The following OTOGL variants were observed in gnomAD, a reference collection of about 807,000 sequenced individuals.
The protein encoded by OTOGL is otogelin like.
A neutral mutation model predicts 318.5 loss-of-function variants in OTOGL; 285 were observed. The observed-to-expected ratio is 0.89, with a 90% CI of 0.81 to 0.99. OTOGL has a LOEUF of 0.99. OTOGL is among the 50% of genes least tolerant of loss of function. The probability of loss-of-function intolerance (pLI) is 0.00; values close to 1 mark genes in which losing one functional copy is unlikely to be tolerated. For synonymous variants in OTOGL, 987 were observed against 936.5 expected (o/e 1.05, Z -0.99); for missense variants, 2,899 against 2,845.6 (o/e 1.02, Z -0.43).
intron 1 of OTOGL, among the ~76,000 whole-genome samples, chr12:80,153,157 T>A (rs1872894670): frequency 6.6e-6 from 1 of 152,212 alleles, no homozygotes; most frequent in African/African-American, 2.4e-5. Context: ...TTATCAACAA[T>A]GGAAATTTAT....
intron 1 of OTOGL, among the ~76,000 whole-genome samples, chr12:80,146,652 C>T (rs1002568782): frequency 1.6e-4 from 24 of 151,900 alleles, no homozygotes; most frequent in Admixed American, 1.4e-3. Flanking sequence ...CCTCCTTGTA[C>T]CTCTGCTAGA....
intron 1 of OTOGL, among the ~76,000 whole-genome samples, chr12:80,122,769 G>C (rs1870562281): frequency 6.6e-6 from 1 of 152,128 alleles, no homozygotes. Flanking sequence ...CAGCAGGATA[G>C]TCATTTTTCA....
chr12:80,165,833 T>A (rs576907865), intron 1 of OTOGL, among the ~76,000 whole-genome samples: 1 of 152,334 alleles, frequency 6.6e-6, no homozygotes, highest in East Asian at 1.9e-4. Flanking sequence ...AGGTGCTTCA[T>A]CAATAGTTGT....
chr12:80,235,352 C>T (rs921614529), intron 9 of OTOGL, among the ~76,000 whole-genome samples: 1 of 150,988 alleles, frequency 6.6e-6, no homozygotes, highest in Non-Finnish European at 1.5e-5. Flanking sequence ...ATAATCCCAG[C>T]TACTTAGGAT....
chr12:80,317,322 G>A (rs955796744), intron 32 of OTOGL, among the ~76,000 whole-genome samples: 3 of 152,116 alleles, frequency 2.0e-5, no homozygotes, highest in Non-Finnish European at 2.9e-5. Context: ...AATGACTTTT[G>A]TCTCCCAGTT....
intron 26 of OTOGL, among the ~76,000 whole-genome samples, chr12:80,280,144 G>A (rs1011696348): frequency 6.6e-6 from 1 of 151,550 alleles, no homozygotes; most frequent in Admixed American, 6.6e-5. Context: ...TTCTAATGGG[G>A]TTGTTTTGTA....
At chr12:80,165,975 A>G (rs17006447) in intron 1 of OTOGL, among the ~76,000 whole-genome samples, 2,296 of 152,278 alleles carry the variant, frequency 0.015, 58 homozygotes, top group African/African-American at 0.053. Flanking sequence ...TGTAAAGCCA[A>G]TATGTGAATT....
At chr12:80,208,238 A>C (rs1270805285) in intron 1 of OTOGL, 1 of 516,840 alleles carries the variant, frequency 1.9e-6, no homozygotes, top group Middle Eastern at 3.2e-4. Context: ...AGCAAGAGTA[A>C]ATGATTATTG....
In OTOGL at chr12:80,147,593, T is replaced by C. The variant is rs1047152517; in HGVS notation, c.-20+47988T>C. Among the ~76,000 whole-genome samples, 5 of 151,978 alleles carry C rather than the reference T, an allele frequency of 3.3e-5. No homozygotes were observed. In the South Asian group the frequency reaches 6.2e-4, roughly 19 times the overall value. On this transcript the variant is annotated intron_variant, in intron 1 of 58. Coordinates refer to ENST00000547103, the MANE Select transcript of OTOGL (RefSeq NM_001378609.3). ...GGTCTGCTTGGTGCAGAGCTGAGTT[T>C]AATTCCTGGGTATTCTTGTTGACTT...
intron 18 of OTOGL, 100 bp downstream of exon 18, chr12:80,258,102 T>C: frequency 9.5e-7 from 1 of 1,050,280 alleles, no homozygotes; most frequent in Non-Finnish European, 1.3e-6. Context: ...TGCTTAGCTG[T>C]CATTATCCCA....
intron 1 of OTOGL, among the ~76,000 whole-genome samples, chr12:80,184,690 G>A (rs1875164675): frequency 6.6e-6 from 1 of 152,096 alleles, no homozygotes; most frequent in African/African-American, 2.4e-5. Flanking sequence ...TGAGTGTCCA[G>A]GAAGGCTGGA....
Position 80,336,796 on chromosome 12 carries a change from G to A in OTOGL, c.4744-1G>A, listed in dbSNP as rs183008745. On this transcript the variant is annotated splice_acceptor_variant, in intron 40 of 58. Transcript: ENST00000547103. LOFTEE classifies it high-confidence loss of function. ...AAAAGTATTTCTTTTTTTTTTTCCA[G>A]AATGGAAACTCCTTAAAAAAGCTAG... 2 of 1,510,286 alleles carry A rather than the reference G, an allele frequency of 1.3e-6. No individual in the cohort carries two copies. The highest frequency in any genetic ancestry group is 1.8e-6 in the Non-Finnish European group (2 of 1,119,594). The allele number at this position is 1,510,286 out of a possible 1,614,324, so 93.6% of individuals were successfully genotyped here. A position where few individuals can be genotyped will look rare whatever the true frequency, so the allele number is the denominator to read the frequency against.
chr12:80,118,243 C>A (rs945703683), intron 1 of OTOGL, among the ~76,000 whole-genome samples: 13 of 152,132 alleles, frequency 8.5e-5, no homozygotes, highest in African/African-American at 2.9e-4. Context: ...GCCAAGATAA[C>A]CATGTTTTGT....
At chr12:80,340,502 T>G (rs7963867) in intron 43 of OTOGL, among the ~76,000 whole-genome samples, 151,561 of 152,228 alleles carry the variant, frequency 1, 75,453 homozygotes, top group Non-Finnish European at 1. Context: ...ATTTCAGTTT[T>G]ATTTTTATGT....
intron 9 of OTOGL, among the ~76,000 whole-genome samples, chr12:80,236,133 G>T (rs1879828536): frequency 6.6e-6 from 1 of 152,082 alleles, no homozygotes; most frequent in Non-Finnish European, 1.5e-5. Flanking sequence ...ACTTCACAAA[G>T]AAATTAGACT....
At position 80,241,207 on chromosome 12, in the gene OTOGL, AAATGT is replaced by A. The variant is rs1474093141; in HGVS notation, c.1052+1772_1052+1776del. 4.9e-4 allele frequency among the ~76,000 whole-genome samples: 74 copies of A among 152,058 alleles called. 1 individual carries two copies. Among genetic ancestry groups the A allele is most frequent in the Non-Finnish European group, 1.2e-4 (8 of 67,972 alleles). ...AAATTGAAATTATTACAAAAATAAC[AAATGT>A]AATATTTTCCAGATACTAAAATAAG... On this transcript the variant is annotated intron_variant, in intron 11 of 58. Coordinates refer to ENST00000547103, the MANE Select transcript of OTOGL (RefSeq NM_001378609.3).
chr12:80,170,964 T>C (rs1874168918), intron 1 of OTOGL, among the ~76,000 whole-genome samples: 1 of 152,202 alleles, frequency 6.6e-6, no homozygotes, highest in Non-Finnish European at 1.5e-5. Context: ...TGCATGGAGA[T>C]TTTCTCTCTT....
chr12:80,245,085 C>T (rs1441419164), intron 11 of OTOGL, among the ~76,000 whole-genome samples: 1 of 126,560 alleles, frequency 7.9e-6, no homozygotes, highest in Admixed American at 7.9e-5. Context: ...GAGTAGGTTG[C>T]AAAAATTTTC....
chr12:80,375,501 A>C (rs1052784826), intron 57 of OTOGL, among the ~76,000 whole-genome samples: 3 of 152,202 alleles, frequency 2.0e-5, no homozygotes, highest in Admixed American at 6.6e-5. Context: ...AGTGGTATAA[A>C]GAAAAATAAT....
Sources: gnomAD v4.1 joint callset for allele counts (sites outside exome capture counted in the v4.1 genomes callset) on GRCh38, gnomAD v4.1.1 for gene constraint, MANE v1.5 for transcripts, NCBI Gene and HGNC (gene_info 2026-07-23, HGNC 2026-07-21) for gene names.